NAALADL2: variants seen among roughly 807,000 people sequenced by gnomAD.
The protein encoded by NAALADL2 is inactive N-acetylated-alpha-linked acidic dipeptidase-like protein 2.
In NAALADL2, 76 loss-of-function variants were observed where a neutral mutation model predicts 87.2. The observed-to-expected ratio is 0.87, with a 90% CI of 0.72 to 1.05. NAALADL2 has a LOEUF of 1.05. Ranked by LOEUF, NAALADL2 falls within the 50% of genes least tolerant of loss-of-function variation. The pLI is 0.00. For missense variants in NAALADL2, 1,089 were observed against 945.8 expected, an observed-to-expected ratio of 1.15 and a Z score of -1.99; for synonymous variants, 354 against 331.0, an observed-to-expected ratio of 1.07 and a Z score of -0.75.
At chr3:175,742,529 C>A (rs1360545855) in intron 12 of NAALADL2, among the ~76,000 whole-genome samples, 2 of 151,520 alleles carry the variant, frequency 1.3e-5, no homozygotes, top group Admixed American at 6.6e-5. Context: ...TCCCGAGTAG[C>A]TGGGACTACA....
chr3:174,550,976 T>G (rs1712048626), intron 2 of NAALADL2: 1 of 151,768 alleles, frequency 6.6e-6, no homozygotes, highest in Non-Finnish European at 1.5e-5. Context: ...CCATAGTGTA[T>G]GTGCATTTTA....
At chr3:174,870,061 G>T (rs559639970) in intron 1 of NAALADL2, among the ~76,000 whole-genome samples, 1 of 79,120 alleles carries the variant, frequency 1.3e-5, no homozygotes, top group South Asian at 4.1e-4. Flanking sequence ...TCACAGAGAT[G>T]TGAGTGAGTT....
At chr3:174,919,531 T>C (rs1734861088) in intron 1 of NAALADL2, among the ~76,000 whole-genome samples, 1 of 152,160 alleles carries the variant, frequency 6.6e-6, no homozygotes, top group African/African-American at 2.4e-5. Flanking sequence ...CAGTCATCTC[T>C]TCAGTCCCCA....
intron 1 of NAALADL2, among the ~76,000 whole-genome samples, chr3:174,883,686 T>G (rs1444331308): frequency 6.6e-6 from 1 of 152,188 alleles, no homozygotes; most frequent in Non-Finnish European, 1.5e-5. Context: ...TGGTTGTAGC[T>G]GGTATTGATG....
chr3:175,295,096 T>C (rs1217528178), intron 4 of NAALADL2, among the ~76,000 whole-genome samples: 1 of 152,156 alleles, frequency 6.6e-6, no homozygotes, highest in African/African-American at 2.4e-5. Context: ...AAAGAGTGTA[T>C]GGCACAGAAT....
intron 1 of NAALADL2, among the ~76,000 whole-genome samples, chr3:175,094,497 C>T (rs1720756567): frequency 6.6e-6 from 1 of 151,870 alleles, no homozygotes; most frequent in Non-Finnish European, 1.5e-5. Context: ...TCAGCTGTCA[C>T]CTAACCTATC....
intron 13 of NAALADL2, among the ~76,000 whole-genome samples, chr3:175,780,432 A>T (rs544483068): frequency 6.6e-6 from 1 of 152,346 alleles, no homozygotes; most frequent in East Asian, 1.9e-4. Flanking sequence ...TTTTACATAA[A>T]ATATATACAT....
At chr3:175,454,080 C>T (rs1721972854) in intron 6 of NAALADL2, among the ~76,000 whole-genome samples, 1 of 151,920 alleles carries the variant, frequency 6.6e-6, no homozygotes, top group Non-Finnish European at 1.5e-5. Flanking sequence ...CTGTATCTTC[C>T]CTTTATATAT....
intron 9 of NAALADL2, among the ~76,000 whole-genome samples, chr3:175,502,544 AC>A (rs1432342301): frequency 6.6e-6 from 1 of 152,072 alleles, no homozygotes; most frequent in Non-Finnish European, 1.5e-5. Context: ...GATCATATAC[AC>A]CATCAGCTCT....
chr3:174,720,469 TA>T lies in NAALADL2; in HGVS notation c.-114-17167del, dbSNP rs1328824117. Among the ~76,000 whole-genome samples, 2 of 152,086 alleles carry T rather than the reference TA, an allele frequency of 1.3e-5. 1 individual carries two copies. Among genetic ancestry groups the T allele is most frequent in the Non-Finnish European group, 2.9e-5 (2 of 68,022 alleles). On this transcript the variant is annotated intron_variant, in intron 2 of 3. Coordinates refer to the NAALADL2 transcript ENST00000434257. ...AGAGATATAGCTACAGATATGAATA[TA>T]AAAACAAAAATATTGATGGAAAAGT...
In NAALADL2 at chr3:174,757,681, T is replaced by A. The variant is rs183840884; in HGVS notation, c.-9+19935T>A. Among the ~76,000 whole-genome samples the A allele has an allele frequency of 3.0e-3, 451 of 152,018 alleles. 1 individual carries two copies. The highest frequency in any genetic ancestry group is 0.01 in the African/African-American group (427 of 41,468). Reference sequence around the variant, plus strand: ...TAATTTTTGTATTTTATTTTATTTTTTTTTGTAGAGACAGGGTTTCACCAT... The same window carrying A: ...TAATTTTTGTATTTTATTTTATTTTATTTTGTAGAGACAGGGTTTCACCAT... On this transcript the variant is annotated intron_variant, in intron 3 of 3. Coordinates refer to the NAALADL2 transcript ENST00000434257.
chr3:175,242,101 C>T (rs1747027003), intron 3 of NAALADL2, among the ~76,000 whole-genome samples: 1 of 151,738 alleles, frequency 6.6e-6, no homozygotes, highest in Non-Finnish European at 1.5e-5. Context: ...ACCTCGTGAT[C>T]CGCCCACCTC....
At chr3:174,717,134 G>T (rs1731265153) in intron 2 of NAALADL2, among the ~76,000 whole-genome samples, 1 of 152,126 alleles carries the variant, frequency 6.6e-6, no homozygotes, top group Non-Finnish European at 1.5e-5. Flanking sequence ...CTTTAGAACT[G>T]AGATTTTACT....
intron 2 of NAALADL2, among the ~76,000 whole-genome samples, chr3:174,689,405 T>TTTTTA (rs1553821964): frequency 1.1e-4 from 16 of 151,620 alleles, no homozygotes; most frequent in Non-Finnish European, 1.0e-4. Flanking sequence ...ACCTTTTTTT[T>TTTTTA]ACCAGTTTGA....
At chr3:175,557,465 C>T (rs939074913) in intron 9 of NAALADL2, among the ~76,000 whole-genome samples, 29 of 151,888 alleles carry the variant, frequency 1.9e-4, no homozygotes, top group African/African-American at 7.0e-4. Flanking sequence ...ATAGTCACCC[C>T]ATTGTGCTAG....
intron 1 of NAALADL2, among the ~76,000 whole-genome samples, chr3:175,043,836 G>A (rs962894411): frequency 6.6e-6 from 1 of 152,000 alleles, no homozygotes; most frequent in Admixed American, 6.6e-5. Context: ...TGTTCTACTT[G>A]CTTAAGATTG....
intron 2 of NAALADL2, among the ~76,000 whole-genome samples, chr3:175,185,248 G>T (rs9290545): frequency 9.9e-5 from 15 of 152,000 alleles, no homozygotes; most frequent in Non-Finnish European, 1.8e-4. Context: ...TATCTATACA[G>T]CTGAAGATGC....
At chr3:175,315,355 C>T (rs943184069) in intron 4 of NAALADL2, among the ~76,000 whole-genome samples, 5 of 151,986 alleles carry the variant, frequency 3.3e-5, no homozygotes, top group Admixed American at 1.3e-4. Context: ...GTTTGTTTAA[C>T]GATCCCTGTA....
intron 2 of NAALADL2, among the ~76,000 whole-genome samples, chr3:175,161,399 A>G (rs774843004): frequency 6.6e-6 from 1 of 152,140 alleles, no homozygotes; most frequent in African/African-American, 2.4e-5. Context: ...CACACGAACT[A>G]TTTTCTTAGG....
Sources: gnomAD v4.1 joint callset for allele counts (sites outside exome capture counted in the v4.1 genomes callset) on GRCh38, gnomAD v4.1.1 for gene constraint, MANE v1.5 for transcripts, NCBI Gene and HGNC (gene_info 2026-07-23, HGNC 2026-07-21) for gene names.